ZPLD1: variants seen among roughly 807,000 people sequenced by gnomAD.
ZPLD1 encodes zona pellucida-like domain-containing protein 1.
A neutral mutation model predicts 47.2 loss-of-function variants in ZPLD1; 34 were observed. The observed-to-expected ratio is 0.72, with a 90% confidence interval of 0.55 to 0.96. The LOEUF is 0.96. Among genes scored for constraint, ZPLD1 ranks in the 40% least tolerant of loss-of-function variants. The pLI, the probability that ZPLD1 is intolerant of heterozygous loss-of-function variation, is 0.00. For synonymous variants in ZPLD1, 176 were observed against 186.2 expected, an observed-to-expected ratio of 0.95 and a Z score of 0.45; for missense variants, 512 against 505.8, an observed-to-expected ratio of 1.01 and a Z score of -0.12.
intron 4 of ZPLD1, 99 bp downstream of exon 4, chr3:102,453,238 A>G: frequency 9.0e-7 from 1 of 1,112,118 alleles, no homozygotes; most frequent in South Asian, 1.5e-5. Flanking sequence ...TCTTGAGAAA[A>G]AAAATAAAAT....
intron 7 of ZPLD1, among the ~76,000 whole-genome samples, chr3:102,403,495 C>T (rs1367134904): frequency 3.3e-5 from 5 of 151,966 alleles, no homozygotes; most frequent in African/African-American, 9.7e-5. Context: ...TCCTCAGAGG[C>T]TTTTCTTTGT....
intron 3 of ZPLD1, among the ~76,000 whole-genome samples, chr3:102,445,264 C>T (rs1490155673): frequency 6.6e-6 from 1 of 152,134 alleles, no homozygotes; most frequent in African/African-American, 2.4e-5. Flanking sequence ...TTAGCCTTAC[C>T]GAGCATTTTA....
At chr3:102,407,503 C>T (rs1483824051) in intron 7 of ZPLD1, among the ~76,000 whole-genome samples, 4 of 138,352 alleles carry the variant, frequency 2.9e-5, no homozygotes, top group African/African-American at 1.1e-4. Flanking sequence ...TTAAAATTTA[C>T]AATCTATTCT....
chr3:102,410,659 A>C (rs1706739165), intron 7 of ZPLD1, among the ~76,000 whole-genome samples: 2 of 151,790 alleles, frequency 1.3e-5, no homozygotes, highest in African/African-American at 4.8e-5. Context: ...AAATGGTGAA[A>C]TCAGGAAGCC....
At chr3:102,415,835 T>G (rs1176751572) in intron 7 of ZPLD1, among the ~76,000 whole-genome samples, 1 of 151,824 alleles carries the variant, frequency 6.6e-6, no homozygotes, top group Non-Finnish European at 1.5e-5. Context: ...AATGAACCAT[T>G]TAGTTTGAAG....
At chr3:102,452,477 G>C (rs1576156165) in intron 3 of ZPLD1, among the ~76,000 whole-genome samples, 1 of 152,094 alleles carries the variant, frequency 6.6e-6, no homozygotes, top group South Asian at 2.1e-4. Context: ...ATTTGGTTTA[G>C]GGTGGATTTC....
chr3:102,463,257 A>G (rs1268180187), intron 7 of ZPLD1, among the ~76,000 whole-genome samples: 2 of 152,154 alleles, frequency 1.3e-5, no homozygotes, highest in South Asian at 4.1e-4. Flanking sequence ...TCACCCTAAC[A>G]CAGTGTCTAT....
intron 8 of ZPLD1, among the ~76,000 whole-genome samples, chr3:102,418,838 C>T (rs1430019913): frequency 1.3e-5 from 2 of 151,964 alleles, no homozygotes; most frequent in African/African-American, 2.4e-5. Context: ...TTAAAATTGA[C>T]ACAGAATCTC....
chr3:102,419,220 CTAT>C (rs922235385), intron 8 of ZPLD1, among the ~76,000 whole-genome samples: 6 of 151,984 alleles, frequency 3.9e-5, no homozygotes, highest in African/African-American at 9.6e-5. Flanking sequence ...TTGAAAATCT[CTAT>C]TATTTCATTT....
chr3:102,459,112 A>AG (rs1707467432), intron 6 of ZPLD1, among the ~76,000 whole-genome samples: 1 of 150,018 alleles, frequency 6.7e-6, no homozygotes, highest in Admixed American at 6.6e-5. Flanking sequence ...AAAAAAAAAA[A>AG]AAAAAAAGGA....
In ZPLD1 at chr3:102,455,264, T is replaced by G. The variant is rs191818035; in HGVS notation, c.328-929T>G. Among the ~76,000 whole-genome samples the G allele has an allele frequency of 7.0e-3, 1,067 of 152,298 alleles. 5 individuals are homozygous for G. The highest frequency in any genetic ancestry group is 0.012 in the Admixed American group (183 of 15,304). On this transcript the variant is annotated intron_variant, in intron 4 of 11. Coordinates refer to ENST00000466937, the MANE Select transcript of ZPLD1 (RefSeq NM_001329788.2). ...GAGTGCTCTCTTGTATTTGACAAGGTCGAAGAAGCTAGAAGAACTCTCTGG... is the reference window on the plus strand; with the variant it reads ...GAGTGCTCTCTTGTATTTGACAAGGGCGAAGAAGCTAGAAGAACTCTCTGG...
rs1707791110 is a variant in ZPLD1 at position 102,478,437 on chromosome 3, A to T, written c.*819A>T. ...GGTAACTATGCAAAGATTATTTTTA[A>T]TTCAAGAATCATCACATGTGAAAAC... On this transcript the variant is annotated 3_prime_UTR_variant, in exon 12 of 12. Transcript: ENST00000466937. 1.1e-5 allele frequency: 1 copy of T among 87,944 alleles called. No individual in the cohort carries two copies. The highest frequency in any genetic ancestry group is 2.8e-5 in the Non-Finnish European group (1 of 35,468). The allele number at this position is 87,944 out of a possible 1,614,324, so 5.4% of individuals were successfully genotyped here.
chr3:102,440,122 G>T (rs145027007), intron 3 of ZPLD1, among the ~76,000 whole-genome samples: 40 of 152,292 alleles, frequency 2.6e-4, no homozygotes, highest in African/African-American at 8.7e-4. Flanking sequence ...GAGAACATGT[G>T]TTATGTAGTG....
intron 10 of ZPLD1, among the ~76,000 whole-genome samples, chr3:102,475,112 A>C (rs1707738782): frequency 6.6e-6 from 1 of 151,690 alleles, no homozygotes; most frequent in African/African-American, 2.4e-5. Flanking sequence ...TTCAAATATC[A>C]CAGGTTTCGA....
At chr3:102,456,408 T>G in intron 5 of ZPLD1, 34 bp downstream of exon 5, 1 of 1,588,518 alleles carries the variant, frequency 6.3e-7, no homozygotes, top group Non-Finnish European at 8.6e-7. Flanking sequence ...TTTCTCATAT[T>G]GCATTTTTGC....
At chr3:102,473,390 C>T (rs1455814129) in intron 10 of ZPLD1, among the ~76,000 whole-genome samples, 1 of 152,146 alleles carries the variant, frequency 6.6e-6, no homozygotes, top group African/African-American at 2.4e-5. Context: ...AAAGAGCTAT[C>T]ACAATGCCTC....
intron 9 of ZPLD1, 107 bp downstream of exon 9, chr3:102,469,242 C>A: frequency 8.4e-7 from 1 of 1,189,974 alleles, no homozygotes; most frequent in Non-Finnish European, 1.2e-6. Flanking sequence ...TGTGTTAGAT[C>A]AAATAGTTTG....
At chr3:102,394,717 G>A (rs1706537648) in intron 7 of ZPLD1, among the ~76,000 whole-genome samples, 1 of 152,078 alleles carries the variant, frequency 6.6e-6, no homozygotes, top group South Asian at 2.1e-4. Flanking sequence ...TGGTGCTGTG[G>A]TTTGACCCTT....
At chr3:102,389,851 C>G (rs973147315) in intron 6 of ZPLD1, among the ~76,000 whole-genome samples, 12 of 152,088 alleles carry the variant, frequency 7.9e-5, no homozygotes, top group African/African-American at 2.9e-4. Flanking sequence ...TGATCTTATT[C>G]TCAGATGGAT....
Sources: gnomAD v4.1 joint callset for allele counts (sites outside exome capture counted in the v4.1 genomes callset) on GRCh38, gnomAD v4.1.1 for gene constraint, MANE v1.5 for transcripts, NCBI Gene and HGNC (gene_info 2026-07-23, HGNC 2026-07-21) for gene names.